URI1: variants seen among roughly 807,000 people sequenced by gnomAD.
URI1 encodes URI1 prefoldin like chaperone.
URI1 carries 39 observed loss-of-function variants against 60.2 expected under a neutral mutation model. The ratio of observed to expected loss-of-function variants is 0.65; its 90% confidence interval spans 0.50 to 0.85. URI1 has a LOEUF of 0.85. URI1 is among the 40% of genes least tolerant of loss of function. The pLI is 0.00. For synonymous variants in URI1, 251 were observed against 236.8 expected (o/e 1.06, Z -0.55); for missense variants, 691 against 665.9 (o/e 1.04, Z -0.42).
At chr19:29,979,219 G>A (rs536185343) in intron 2 of URI1, among the ~76,000 whole-genome samples, 4 of 152,178 alleles carry the variant, frequency 2.6e-5, no homozygotes, top group African/African-American at 9.6e-5. Context: ...TTTCTAAAAG[G>A]TCCTTTCCTT....
intron 4 of URI1, among the ~76,000 whole-genome samples, chr19:29,990,887 G>T (rs1284799860): frequency 2.0e-5 from 3 of 152,142 alleles, no homozygotes; most frequent in Non-Finnish European, 2.9e-5. Flanking sequence ...AACTTAAATT[G>T]TTAAAAAACA....
intron 4 of URI1, 50 bp from the exon 5 acceptor site, chr19:30,005,311 A>G: frequency 9.6e-7 from 1 of 1,041,120 alleles, no homozygotes; most frequent in Non-Finnish European, 1.4e-6. Flanking sequence ...ATATTCCTAC[A>G]GGTCGTATAT....
At chr19:29,985,327 G>A (rs2055654450) in intron 3 of URI1, 26 bp downstream of exon 3, 2 of 1,574,266 alleles carry the variant, frequency 1.3e-6, no homozygotes, top group Admixed American at 1.7e-5. Context: ...TTCTTTTAAA[G>A]TAATAGTTGT....
chr19:29,929,510 T>C (rs1417719264), intron 1 of URI1, among the ~76,000 whole-genome samples: 13 of 152,174 alleles, frequency 8.5e-5, no homozygotes, highest in Admixed American at 5.9e-4. Flanking sequence ...GGCAGGAGAA[T>C]GGCTTGAACC....
In URI1 at chr19:30,007,466, A is replaced by G. The variant is rs2055957723; in HGVS notation, c.518-4A>G. On this transcript the variant is annotated splice_region_variant and splice_polypyrimidine_tract_variant and intron_variant, in intron 6 of 10. Coordinates refer to ENST00000392271, the MANE Select transcript of URI1 (RefSeq NM_003796.3). ...CAGCCACGTCTTTTCCTTTTTCTAA[A>G]TAGCAAAACACCGAATTGCTCATAA... 6.2e-7 allele frequency: 1 copy of G among 1,611,796 alleles called. No homozygotes were observed. The highest frequency in any genetic ancestry group is 8.5e-7 in the Non-Finnish European group (1 of 1,178,898).
chr19:29,994,938 G>A (rs961387437), intron 4 of URI1, among the ~76,000 whole-genome samples: 5 of 151,946 alleles, frequency 3.3e-5, no homozygotes, highest in African/African-American at 1.2e-4. Flanking sequence ...GCACCACCAT[G>A]CCCGACTAAT....
chr19:29,923,783 T>G, intron 1 of URI1: 1 of 1,531,080 alleles, frequency 6.5e-7, no homozygotes, highest in South Asian at 1.2e-5. Context: ...GTGTTATAGC[T>G]TCTCTGCTGT....
At chr19:29,980,969 A>G (rs1047931010) in intron 2 of URI1, among the ~76,000 whole-genome samples, 5 of 148,380 alleles carry the variant, frequency 3.4e-5, no homozygotes, top group South Asian at 4.2e-4. Context: ...TTTGCTGTCT[A>G]TTTTAACTTC....
intron 1 of URI1, among the ~76,000 whole-genome samples, chr19:29,948,617 T>G (rs2055131247): frequency 6.6e-6 from 1 of 152,180 alleles, no homozygotes. Flanking sequence ...CATTTAACCC[T>G]GAGTGGACAC....
At chr19:29,977,683 G>C (rs913703098) in intron 2 of URI1, among the ~76,000 whole-genome samples, 3 of 151,680 alleles carry the variant, frequency 2.0e-5, no homozygotes, top group African/African-American at 7.2e-5. Flanking sequence ...TAAGGGGGAA[G>C]AATCATATAT....
intron 2 of URI1, 103 bp from the exon 3 acceptor site, chr19:29,985,120 A>C (rs1599702234): frequency 5.0e-4 from 1 of 1,990 alleles, no homozygotes; most frequent in South Asian, 9.1e-3. Context: ...ACTCTGTCTC[A>C]AAAAAAAAAA....
intron 4 of URI1, among the ~76,000 whole-genome samples, chr19:29,997,524 A>G (rs551536999): frequency 6.6e-6 from 1 of 152,190 alleles, no homozygotes; most frequent in South Asian, 2.1e-4. Flanking sequence ...AGCATTTTAT[A>G]AAAATTCTGT....
At chr19:29,998,674 C>A (rs1397500112) in intron 4 of URI1, among the ~76,000 whole-genome samples, 1 of 151,914 alleles carries the variant, frequency 6.6e-6, no homozygotes, top group Non-Finnish European at 1.5e-5. Flanking sequence ...TTCATTCCTT[C>A]ACTTTCAACC....
intron 2 of URI1, 39 bp from the exon 3 acceptor site, chr19:29,985,159 AAAAAAAAAAAAAAAAAAAGAAAAAT>A: frequency 6.9e-6 from 1 of 144,222 alleles, no homozygotes; most frequent in Non-Finnish European, 1.4e-5. Flanking sequence ...AAAAAAAAAA[AAAAAAAAAAAAAAAAAAAGAAAAAT>A]CGTTAATAAT....
upstream of URI1, among the ~76,000 whole-genome samples, chr19:29,939,205 G>A (rs896406554): frequency 2.7e-5 from 4 of 150,778 alleles, no homozygotes; most frequent in East Asian, 3.9e-4. Context: ...TTGAACTCCC[G>A]ACCTGAGGTG....
intron 1 of URI1, among the ~76,000 whole-genome samples, chr19:29,965,184 A>G (rs1462269869): frequency 1.3e-5 from 2 of 152,124 alleles, no homozygotes; most frequent in Middle Eastern, 3.2e-3. Context: ...ATCTGTAATC[A>G]CCTCAGGCTC....
At chr19:29,975,500 CTTTTTTTTT>C (rs10717602) in intron 2 of URI1, among the ~76,000 whole-genome samples, 1 of 72,358 alleles carries the variant, frequency 1.4e-5, no homozygotes, top group East Asian at 4.0e-4. Context: ...GTTCTGTTTA[CTTTTTTTTT>C]TTTTTTTTTT....
At chr19:29,956,434 G>GT (rs1314715919) in intron 1 of URI1, 23 of 1,579,156 alleles carry the variant, frequency 1.5e-5, no homozygotes, top group Non-Finnish European at 2.0e-5. Flanking sequence ...CTGCTGAACA[G>GT]TTCCTTTTTC....
At chr19:29,991,669 CTT>C (rs1568435589) in intron 4 of URI1, among the ~76,000 whole-genome samples, 1 of 151,984 alleles carries the variant, frequency 6.6e-6, no homozygotes, top group Non-Finnish European at 1.5e-5. Flanking sequence ...AGGTAGGTGT[CTT>C]TGTCTTGAAA....
Sources: gnomAD v4.1 joint callset for allele counts (sites outside exome capture counted in the v4.1 genomes callset) on GRCh38, gnomAD v4.1.1 for gene constraint, MANE v1.5 for transcripts, NCBI Gene and HGNC (gene_info 2026-07-23, HGNC 2026-07-21) for gene names.